VEGFD: variants seen among roughly 807,000 people sequenced by gnomAD.
The protein encoded by VEGFD is vascular endothelial growth factor D, also known as c-fos induced growth factor (vascular endothelial growth factor D).
Under a neutral mutation model 28.0 loss-of-function variants are expected in VEGFD, and 26 were observed. That is an observed-to-expected ratio of 0.93 (90% CI 0.68 to 1.29). The LOEUF is 1.29. Ranked by LOEUF, VEGFD falls within the 50% of genes most tolerant of loss-of-function variation. The pLI is 0.00. For missense variants in VEGFD, 294 were observed against 273.4 expected (o/e 1.08, Z -0.53); for synonymous variants, 93 against 95.5 (o/e 0.97, Z 0.15).
intron 5 of VEGFD, among the ~76,000 whole-genome samples, chrX:15,351,241 A>G (rs1234266795): frequency 5.1e-5 from 5 of 97,486 alleles, no homozygotes; most frequent in Non-Finnish European, 8.3e-5. Context: ...TCAGCCTCCC[A>G]AGTAGCTGGG....
At chrX:15,372,551 C>A (rs962336797) in intron 1 of VEGFD, among the ~76,000 whole-genome samples, 1 of 110,960 alleles carries the variant, frequency 9.0e-6, no homozygotes, top group African/African-American at 3.3e-5. Flanking sequence ...CACAGATTCT[C>A]ATTTTTTGGG....
At position 15,355,142 on chromosome X, in the gene VEGFD, G is replaced by A. The variant is rs767286374; in HGVS notation, c.641+8C>T. 4.4e-6 allele frequency: 5 copies of A among 1,148,419 alleles called. No individual in the cohort carries two copies. Among genetic ancestry groups the A allele is most frequent in the African/African-American group, 1.9e-5 (1 of 52,443 alleles). 94.6% of individuals were successfully genotyped at this position (1,148,419 alleles called of 1,213,427 possible). A position where few individuals can be genotyped will look rare whatever the true frequency, so the allele number is the denominator to read the frequency against. On this transcript the variant is annotated splice_region_variant and intron_variant, in intron 4 of 6. Coordinates refer to ENST00000297904, the MANE Select transcript of VEGFD (RefSeq NM_004469.5). Reference sequence around the variant, plus strand: ...ATCCAGTATAAAAAAAAAAACAAAAGTGCTTACCGATCTTCTTCAGGGATC... The same window carrying A: ...ATCCAGTATAAAAAAAAAAACAAAAATGCTTACCGATCTTCTTCAGGGATC...
At chrX:15,373,654 G>A (rs757477941) in intron 1 of VEGFD, among the ~76,000 whole-genome samples, 1 of 111,673 alleles carries the variant, frequency 9.0e-6, no homozygotes, top group East Asian at 2.8e-4. Flanking sequence ...CCTGGGGGGC[G>A]TGGTTCTCTT....
At chrX:15,376,315 G>T (rs1923438175) in intron 1 of VEGFD, among the ~76,000 whole-genome samples, 1 of 111,557 alleles carries the variant, frequency 9.0e-6, no homozygotes, top group South Asian at 3.7e-4. Context: ...ACTGATCAAA[G>T]GAGGATGAGA....
rs200736865 is a variant in VEGFD at position 15,380,161 on chromosome X, A to G, written c.90+3696T>C. Among the ~76,000 whole-genome samples, 11 of 112,696 alleles carry G rather than the reference A, an allele frequency of 9.8e-5. No individual in the cohort carries two copies. The East Asian group carries it at 3.0e-3, about 31-fold the overall frequency. ...ACTGTGTCTGACAGAAAAGTGGACA[A>G]AAGCTTGCTGGGCCATTTGACCAAC... On this transcript the variant is annotated intron_variant, in intron 1 of 6. Transcript: ENST00000297904.
chrX:15,374,777 T>A (rs1172771187), intron 1 of VEGFD, among the ~76,000 whole-genome samples: 3 of 106,234 alleles, frequency 2.8e-5, no homozygotes, highest in Non-Finnish European at 5.7e-5. Context: ...TACCTTTTCT[T>A]TTTCTTTTCT....
At chrX:15,367,848 A>G (rs893074556) in intron 1 of VEGFD, among the ~76,000 whole-genome samples, 1 of 108,030 alleles carries the variant, frequency 9.3e-6, no homozygotes, top group Non-Finnish European at 1.9e-5. Flanking sequence ...CCAGCTACTC[A>G]GGAGACTGAG....
Position 15,363,304 on chromosome X carries a change from T to C in VEGFD, c.106A>G (p.Thr36Ala). The change falls in exon 2 of 7, where the codon ACA becomes GCA. Residue 36 changes from threonine to alanine, a missense_variant. Thr to Ala is a moderately conservative substitution (Grantham distance 58). Coordinates refer to ENST00000297904, the MANE Select transcript of VEGFD (RefSeq NM_004469.5). ...HGPVKRSSQS[T>A]LERSEQQIRA... ...ATCTGCTGTTCAGATCGTTCCAATG[T>C]GGACTGAGATGATCGCTTAAAAAAA... The C allele has an allele frequency of 1.7e-6, 2 of 1,205,001 alleles. No individual in the cohort carries two copies. Among genetic ancestry groups the C allele is most frequent in the Non-Finnish European group, 1.1e-6 (1 of 891,553 alleles).
intron 3 of VEGFD, among the ~76,000 whole-genome samples, chrX:15,356,773 A>AT (rs1458447111): frequency 9.0e-6 from 1 of 111,696 alleles, no homozygotes; most frequent in Admixed American, 9.5e-5. Context: ...TAATTGTCAA[A>AT]TAGTAGAGGT....
At chrX:15,350,783 C>T (rs11797364) in intron 5 of VEGFD, among the ~76,000 whole-genome samples, 1,873 of 77,597 alleles carry the variant, frequency 0.024, 41 homozygotes, top group African/African-American at 0.088. Flanking sequence ...CTTTCTTTCT[C>T]TCTCTTTCTT....
At chrX:15,354,512 C>T (rs1191415676) in intron 4 of VEGFD, among the ~76,000 whole-genome samples, 3 of 111,404 alleles carry the variant, frequency 2.7e-5, no homozygotes, top group East Asian at 5.6e-4. Flanking sequence ...CATTCAGTTA[C>T]CCTTTACTTG....
At chrX:15,349,638 T>G (rs1922639437) in intron 5 of VEGFD, among the ~76,000 whole-genome samples, 1 of 111,295 alleles carries the variant, frequency 9.0e-6, no homozygotes, top group Non-Finnish European at 1.9e-5. Context: ...ATTTATTCTT[T>G]TGTGTGTGTG....
At chrX:15,379,018 A>C (rs1810273115) in intron 1 of VEGFD, among the ~76,000 whole-genome samples, 1 of 111,176 alleles carries the variant, frequency 9.0e-6, no homozygotes, top group African/African-American at 3.3e-5. Context: ...CACCATGGCC[A>C]CTGCACTGAT....
chrX:15,360,214 T>TCACTGAAGTTGCTTCAATCATTGAA (rs1922975853), intron 2 of VEGFD, among the ~76,000 whole-genome samples: 1 of 111,808 alleles, frequency 8.9e-6, no homozygotes, highest in Non-Finnish European at 1.9e-5. Context: ...TTTTTTCATA[T>TCACTGAAGTTGCTTCAATCATTGAA]GTTGCTTCTT....
At chrX:15,349,944 C>T (rs1349663776) in intron 5 of VEGFD, among the ~76,000 whole-genome samples, 2 of 111,686 alleles carry the variant, frequency 1.8e-5, no homozygotes, top group Admixed American at 1.9e-4. Flanking sequence ...CCAGTCCACC[C>T]TGCGCCTCTC....
chrX:15,359,679 T>C, intron 2 of VEGFD, among the ~76,000 whole-genome samples: 1 of 111,116 alleles, frequency 9.0e-6, no homozygotes. Flanking sequence ...TTTGCCGCCA[T>C]GTTAGAAAGG....
chrX:15,359,362 C>CTTTTTTTTTT (rs1171408211), intron 2 of VEGFD, among the ~76,000 whole-genome samples: 12 of 62,864 alleles, frequency 1.9e-4, no homozygotes, highest in South Asian at 1.1e-3. Flanking sequence ...CACTTGCAGG[C>CTTTTTTTTTT]TTTTTTTTTT....
At chrX:15,357,689 T>C (rs17216420) in intron 3 of VEGFD, among the ~76,000 whole-genome samples, 3,053 of 111,738 alleles carry the variant, frequency 0.027, 44 homozygotes, top group South Asian at 0.11. Context: ...TATGGTTTTC[T>C]GAGTCTTGAC....
intron 1 of VEGFD, among the ~76,000 whole-genome samples, chrX:15,376,478 C>T (rs1303950623): frequency 8.9e-6 from 1 of 112,492 alleles, no homozygotes; most frequent in Admixed American, 9.4e-5. Flanking sequence ...GTGGCAATAG[C>T]TAACTGCTAC....
Sources: gnomAD v4.1 joint callset for allele counts (sites outside exome capture counted in the v4.1 genomes callset) on GRCh38, gnomAD v4.1.1 for gene constraint, MANE v1.5 for transcripts, NCBI Gene and HGNC (gene_info 2026-07-23, HGNC 2026-07-21) for gene names.